ADAMTSL3: variants seen among roughly 807,000 people sequenced by gnomAD.
The protein encoded by ADAMTSL3 is ADAMTS like 3.
Under a neutral mutation model 201.7 loss-of-function variants are expected in ADAMTSL3, and 128 were observed. The observed-to-expected ratio is 0.63, with a 90% CI of 0.55 to 0.73. The LOEUF (loss-of-function observed/expected upper bound fraction) is 0.73, where lower values mean the gene tolerates loss of function less well. Among genes scored for constraint, ADAMTSL3 ranks in the 30% least tolerant of loss-of-function variants. The pLI, the probability that ADAMTSL3 is intolerant of heterozygous loss-of-function variation, is 0.00. For missense variants in ADAMTSL3, 1,990 were observed against 2,119.6 expected (o/e 0.94, Z 1.20); for synonymous variants, 738 against 748.4 (o/e 0.99, Z 0.23).
At chr15:83,974,944 CTCTCA>C (rs1257121947) in intron 20 of ADAMTSL3, among the ~76,000 whole-genome samples, 2 of 149,512 alleles carry the variant, frequency 1.3e-5, no homozygotes. Flanking sequence ...CTCAAATCTA[CTCTCA>C]TCTCTCCCGC....
chr15:83,935,300 T>TCA (rs1283830421), intron 17 of ADAMTSL3, among the ~76,000 whole-genome samples: 1 of 152,154 alleles, frequency 6.6e-6, no homozygotes, highest in Non-Finnish European at 1.5e-5. Context: ...TAGGAAATGT[T>TCA]CTTGTAGATA....
chr15:83,695,156 G>A (rs1416238050), intron 2 of ADAMTSL3, among the ~76,000 whole-genome samples: 2 of 129,114 alleles, frequency 1.5e-5, no homozygotes, highest in Non-Finnish European at 3.3e-5. Flanking sequence ...AGGTATGTGT[G>A]TGTGTATGTA....
At position 83,983,114 on chromosome 15, in the gene ADAMTSL3, G is replaced by T. The variant is rs111258897; in HGVS notation, c.3486G>T (p.Ser1162=). Residue 1162 remains serine (S), a synonymous_variant, in exon 21 of 30, where the codon TCG becomes TCT. Transcript: ENST00000286744. ...RGETGSVSQS[S]HAKNSGKLTF... is the part of the protein sequence containing the mutation. The stretch of plus-strand genomic sequence containing the variant: ...AAACAGGGAGTGTGTCCCAAAGCTC[G>T]CATGCAAAAAACTCAGGCAAGCTGA... 2.5e-6 allele frequency: 4 copies of T among 1,613,634 alleles called. No homozygotes were observed. Among genetic ancestry groups the T allele is most frequent in the East Asian group, 4.5e-5 (2 of 44,866 alleles).
chr15:83,808,678 C>T (rs777997013), intron 5 of ADAMTSL3, among the ~76,000 whole-genome samples: 13 of 152,110 alleles, frequency 8.5e-5, no homozygotes, highest in South Asian at 8.3e-4. Context: ...TCCTCACTCA[C>T]GTGTTTATTG....
intron 28 of ADAMTSL3, among the ~76,000 whole-genome samples, chr15:84,034,489 G>A (rs564331165): frequency 6.6e-6 from 1 of 152,308 alleles, no homozygotes; most frequent in Admixed American, 6.5e-5. Context: ...AATTGTCAGG[G>A]TGGAGCTAGC....
intron 9 of ADAMTSL3, among the ~76,000 whole-genome samples, chr15:83,871,173 C>T (rs2065074359): frequency 1.3e-5 from 2 of 152,210 alleles, no homozygotes; most frequent in African/African-American, 4.8e-5. Flanking sequence ...ACAAACTTCA[C>T]TTTTATGGGG....
rs1459173022 is a variant in ADAMTSL3, at chr15:84,014,532, T to A, written c.3974-10T>A. ...GAATTGCCTTTGTCATATTTGTTTT[T>A]GTTCCAAAGGTGTCCCTCAGCCTAA... On this transcript the variant is annotated splice_polypyrimidine_tract_variant and intron_variant, in intron 23 of 29. Transcript: ENST00000286744. 1 of 1,610,038 alleles carries A rather than the reference T, an allele frequency of 6.2e-7. No individual in the cohort carries two copies. Among genetic ancestry groups the A allele is most frequent in the Admixed American group, 1.7e-5 (1 of 59,146 alleles).
intron 22 of ADAMTSL3, 71 bp downstream of exon 22, chr15:83,988,889 T>A: frequency 1.2e-6 from 1 of 858,392 alleles, no homozygotes; most frequent in Non-Finnish European, 1.5e-6. Context: ...ATTTATTTAT[T>A]TTTTTTTTTT....
At chr15:83,704,071 A>T (rs768143096) in intron 2 of ADAMTSL3, among the ~76,000 whole-genome samples, 4 of 152,132 alleles carry the variant, frequency 2.6e-5, no homozygotes, top group Non-Finnish European at 4.4e-5. Context: ...TGCAACAACA[A>T]GACAAAGTTA....
intron 7 of ADAMTSL3, among the ~76,000 whole-genome samples, chr15:83,854,258 C>T (rs1191341631): frequency 6.6e-6 from 1 of 151,466 alleles, no homozygotes; most frequent in Non-Finnish European, 1.5e-5. Flanking sequence ...TTCATGGTAT[C>T]GACTTTGTAA....
chr15:83,963,690 T>G (rs2067020142), intron 19 of ADAMTSL3, among the ~76,000 whole-genome samples: 1 of 152,224 alleles, frequency 6.6e-6, no homozygotes, highest in South Asian at 2.1e-4. Flanking sequence ...AGTGGGTCCC[T>G]GACCCCTGCA....
At chr15:83,909,645 C>T (rs2065898205) in intron 15 of ADAMTSL3, among the ~76,000 whole-genome samples, 1 of 151,910 alleles carries the variant, frequency 6.6e-6, no homozygotes, top group South Asian at 2.1e-4. Flanking sequence ...GGTGGAGTCT[C>T]ACTGTGTTGC....
chr15:83,964,898 C>A (rs1156947487), intron 19 of ADAMTSL3, among the ~76,000 whole-genome samples: 1 of 152,138 alleles, frequency 6.6e-6, no homozygotes, highest in African/African-American at 2.4e-5. Flanking sequence ...ATTTTCAACC[C>A]AGAATTTCAT....
chr15:84,016,255 G>C (rs1364585633), intron 24 of ADAMTSL3, 128 bp from the exon 25 acceptor site: 1 of 679,296 alleles, frequency 1.5e-6, no homozygotes, highest in East Asian at 2.7e-5. Flanking sequence ...TCATGAGCTT[G>C]AGTATCCAGG....
At chr15:83,867,570 A>G (rs904007328) in intron 8 of ADAMTSL3, among the ~76,000 whole-genome samples, 4 of 152,242 alleles carry the variant, frequency 2.6e-5, no homozygotes, top group African/African-American at 9.6e-5. Context: ...CCATATATAG[A>G]GATGTATAAA....
At chr15:83,871,099 C>T (rs951973205) in intron 9 of ADAMTSL3, 140 bp downstream of exon 9, 8 of 990,018 alleles carry the variant, frequency 8.1e-6, no homozygotes, top group African/African-American at 1.7e-5. Context: ...TCCATCTTGG[C>T]AGTCCATTCT....
At chr15:83,975,282 G>C (rs370784852) in intron 20 of ADAMTSL3, among the ~76,000 whole-genome samples, 5 of 151,392 alleles carry the variant, frequency 3.3e-5, no homozygotes, top group Non-Finnish European at 7.4e-5. Flanking sequence ...GATTACAGGC[G>C]TGAGCCACTG....
At chr15:83,919,934 A>G (rs2066106070) in intron 16 of ADAMTSL3, among the ~76,000 whole-genome samples, 1 of 152,220 alleles carries the variant, frequency 6.6e-6, no homozygotes, top group African/African-American at 2.4e-5. Context: ...GGAAGTTCCC[A>G]TCTGGTTGTT....
At chr15:83,789,551 G>A (rs1567146190) in intron 4 of ADAMTSL3, among the ~76,000 whole-genome samples, 1 of 152,064 alleles carries the variant, frequency 6.6e-6, no homozygotes, top group South Asian at 2.1e-4. Context: ...AGGGAGATGT[G>A]GCCAGTACAT....
Sources: gnomAD v4.1 joint callset for allele counts (sites outside exome capture counted in the v4.1 genomes callset) on GRCh38, gnomAD v4.1.1 for gene constraint, MANE v1.5 for transcripts, NCBI Gene and HGNC (gene_info 2026-07-23, HGNC 2026-07-21) for gene names.